The following HNF4G variants were observed in gnomAD, a reference collection of about 807,000 sequenced individuals.
HNF4G encodes hepatocyte nuclear factor 4 gamma, also known as hepatocyte nuclear factor 4-gamma.
Under a neutral mutation model 50.9 loss-of-function variants are expected in HNF4G, and 21 were observed. That is an observed-to-expected ratio of 0.41 (90% CI 0.29 to 0.59). The LOEUF (loss-of-function observed/expected upper bound fraction) is 0.59. Ranked by LOEUF, HNF4G falls within the 20% of genes least tolerant of loss-of-function variation. HNF4G has a pLI of 0.26. For synonymous variants in HNF4G, 198 were observed against 185.6 expected, an observed-to-expected ratio of 1.07 and a Z score of -0.54; for missense variants, 527 against 559.4, an observed-to-expected ratio of 0.94 and a Z score of 0.58.
rs1806564873 is a variant in HNF4G at position 75,539,889 on chromosome 8, A to G, written c.-74A>G. ...ACTTTGGATTAGCACTCACAGATTG[A>G]AAGCAAAACACATCAAAACACTCAT... On this transcript the variant is annotated 5_prime_UTR_variant, in exon 1 of 10. Coordinates refer to ENST00000396423, the MANE Select transcript of HNF4G (RefSeq NM_004133.5). The G allele has an allele frequency of 1.4e-6, 1 of 715,310 alleles. No individual in the cohort carries two copies. The allele number at this position is 715,310 out of a possible 1,614,324, so 44.3% of individuals were successfully genotyped here.
intron 1 of HNF4G, among the ~76,000 whole-genome samples, chr8:75,421,272 T>C (rs1241390030): frequency 3.9e-5 from 6 of 152,196 alleles, no homozygotes; most frequent in Non-Finnish European, 5.9e-5. Flanking sequence ...AGTTCAGAGC[T>C]CTGTGACCAC....
intron 1 of HNF4G, among the ~76,000 whole-genome samples, chr8:75,465,362 G>A (rs148390700): frequency 3.3e-5 from 5 of 152,230 alleles, no homozygotes; most frequent in African/African-American, 9.6e-5. Flanking sequence ...ATGATTTTTA[G>A]TGAATATTAA....
rs537902385 is a variant in HNF4G, at chr8:75,463,571, C to G, written c.-143-26518C>G. ...GTTCTTCTATTGTTTACTTTTACAACTGAAAATAATATGGGTAAGCATTCA... is the reference window on the plus strand; with the variant it reads ...GTTCTTCTATTGTTTACTTTTACAAGTGAAAATAATATGGGTAAGCATTCA... On this transcript the variant is annotated intron_variant, in intron 1 of 10. Coordinates refer to the HNF4G transcript ENST00000354370. Among the ~76,000 whole-genome samples, 16 of 152,006 alleles carry G rather than the reference C, an allele frequency of 1.1e-4. 1 individual carries two copies. In the South Asian group the frequency reaches 3.3e-3, roughly 32 times the overall value.
At chr8:75,468,512 G>A (rs1357787773) in intron 1 of HNF4G, among the ~76,000 whole-genome samples, 1 of 152,084 alleles carries the variant, frequency 6.6e-6, no homozygotes, top group Non-Finnish European at 1.5e-5. Context: ...TGACCAACAT[G>A]TTGAAACCCC....
chr8:75,548,518 G>C (rs1806856619), intron 3 of HNF4G, among the ~76,000 whole-genome samples: 1 of 152,088 alleles, frequency 6.6e-6, no homozygotes, highest in South Asian at 2.1e-4. Context: ...CGAGACAAGA[G>C]ACTAGATGTG....
At chr8:75,562,909 TAG>T (rs1442301518) in intron 9 of HNF4G, among the ~76,000 whole-genome samples, 1 of 152,160 alleles carries the variant, frequency 6.6e-6, no homozygotes, top group African/African-American at 2.4e-5. Flanking sequence ...CTGGTCTAAA[TAG>T]CCAGAAATAA....
Position 75,564,628 on chromosome 8 carries a change from ACT to A in HNF4G, c.*535_*536del, listed in dbSNP as rs1248036060. 3 of 152,112 alleles carry A rather than the reference ACT, an allele frequency of 2.0e-5. No individual in the cohort carries two copies. Among genetic ancestry groups the A allele is most frequent in the African/African-American group, 7.2e-5 (3 of 41,426 alleles). 9.4% of individuals were successfully genotyped at this position (152,112 alleles called of 1,614,324 possible). ...ATGGACAGTCTGTGGTAAAGAAGCAACTCTTTGCTTTAGAGTTAAATATTCCT... is the reference window on the plus strand; with the variant it reads ...ATGGACAGTCTGTGGTAAAGAAGCAACTTTGCTTTAGAGTTAAATATTCCT... On this transcript the variant is annotated 3_prime_UTR_variant, in exon 10 of 10. Transcript: ENST00000396423.
chr8:75,484,995 T>C (rs1812466907), intron 1 of HNF4G, among the ~76,000 whole-genome samples: 1 of 152,218 alleles, frequency 6.6e-6, no homozygotes, highest in Admixed American at 6.5e-5. Context: ...GTGCACAAGC[T>C]CTTAGCCGCC....
chr8:75,523,707 T>C (rs1271979413), intron 2 of HNF4G, among the ~76,000 whole-genome samples: 1 of 151,890 alleles, frequency 6.6e-6, no homozygotes, highest in Non-Finnish European at 1.5e-5. Flanking sequence ...TTTTAAAAAC[T>C]TCTCCCTGCT....
Position 75,566,381 on chromosome 8 carries a change from A to G in HNF4G, c.*2285A>G, listed in dbSNP as rs2941483. 93,813 of 152,246 alleles carry G rather than the reference A, an allele frequency of 0.62. 29,944 individuals carry two copies. Among genetic ancestry groups the G allele is most frequent in the African/African-American group, 0.77 (32,102 of 41,488 alleles). The allele number at this position is 152,246 out of a possible 1,614,324, so 9.4% of individuals were successfully genotyped here. ...CACAAAAATTCAGAACATAGCAAAT[A>G]CCTTTGAAGTATAAAAGATAAAATT... On this transcript the variant is annotated 3_prime_UTR_variant, in exon 10 of 10. Transcript: ENST00000396423.
At chr8:75,463,947 T>C (rs1811910796) in intron 1 of HNF4G, among the ~76,000 whole-genome samples, 1 of 152,040 alleles carries the variant, frequency 6.6e-6, no homozygotes, top group Admixed American at 6.6e-5. Context: ...GCTAATTTTG[T>C]ATTTTTCATA....
At chr8:75,512,228 G>C (rs999216083) in intron 2 of HNF4G, among the ~76,000 whole-genome samples, 1 of 151,574 alleles carries the variant, frequency 6.6e-6, no homozygotes, top group Non-Finnish European at 1.5e-5. Flanking sequence ...AAATATTTAA[G>C]AAAAGCAATG....
intron 9 of HNF4G, among the ~76,000 whole-genome samples, chr8:75,560,928 ATTTCAGTTGG>A (rs1807295145): frequency 6.6e-6 from 1 of 152,204 alleles, no homozygotes; most frequent in South Asian, 2.1e-4. Flanking sequence ...AATACAAAAC[ATTTCAGTTGG>A]TACACTGTAA....
intron 2 of HNF4G, among the ~76,000 whole-genome samples, chr8:75,531,797 T>C (rs1008167445): frequency 2.0e-5 from 3 of 152,148 alleles, no homozygotes; most frequent in Non-Finnish European, 4.4e-5. Flanking sequence ...ATGCAAATAC[T>C]ATGCCATTTT....
chr8:75,424,818 T>C (rs1388094171), intron 1 of HNF4G, among the ~76,000 whole-genome samples: 1 of 152,178 alleles, frequency 6.6e-6, no homozygotes, highest in Non-Finnish European at 1.5e-5. Context: ...GTTGATGCCA[T>C]GTCTTTGCTA....
chr8:75,424,012 C>CG (rs1810837062), intron 1 of HNF4G, among the ~76,000 whole-genome samples: 1 of 149,558 alleles, frequency 6.7e-6, no homozygotes, highest in African/African-American at 2.5e-5. Flanking sequence ...TTAGTAGACA[C>CG]GGGTTTCACC....
intron 2 of HNF4G, among the ~76,000 whole-genome samples, chr8:75,518,661 C>T (rs982227706): frequency 3.9e-5 from 6 of 152,144 alleles, no homozygotes; most frequent in African/African-American, 1.4e-4. Context: ...ATGTTGGCCA[C>T]ATTTAGCCAC....
intron 1 of HNF4G, among the ~76,000 whole-genome samples, chr8:75,477,186 A>C (rs1812260822): frequency 6.6e-6 from 1 of 152,168 alleles, no homozygotes; most frequent in Non-Finnish European, 1.5e-5. Flanking sequence ...TGGTTTTTTA[A>C]GATTATATTG....
chr8:75,560,346 G>T lies in HNF4G; in HGVS notation c.1126G>T (p.Ala376Ser). ...NLLQEMLLGG[A>S]SNDGSHLHHP... ...CAGCATCTTTTTATCTTTTGTAGGG[G>T]CTTCCAATGATGGCAGTCATCTCCA... Residue 376 changes from alanine (A) to serine (S), a missense_variant and splice_region_variant, in exon 9 of 10, where the codon GCT becomes TCT. Coordinates refer to ENST00000396423, the MANE Select transcript of HNF4G (RefSeq NM_004133.5). 2 of 1,612,864 alleles carry T rather than the reference G, an allele frequency of 1.2e-6. No individual in the cohort carries two copies. The highest frequency in any genetic ancestry group is 1.7e-6 in the Non-Finnish European group (2 of 1,179,180).
Sources: allele counts gnomAD v4.1 joint callset (sites outside exome capture counted in the v4.1 genomes callset), GRCh38; gene constraint gnomAD v4.1.1; transcripts MANE v1.5; gene names NCBI Gene and HGNC (gene_info 2026-07-23, HGNC 2026-07-21).